Variants in PRMT9 observed in about 807,000 individuals in gnomAD.
PRMT9 encodes protein arginine N-methyltransferase 9.
PRMT9 carries 59 observed loss-of-function variants against 83.2 expected under a neutral mutation model. The observed-to-expected ratio is 0.71, with a 90% confidence interval of 0.57 to 0.88. The LOEUF is 0.88. Among genes scored for constraint, PRMT9 ranks in the 40% least tolerant of loss-of-function variants. The pLI is 0.00. For synonymous variants in PRMT9, 333 were observed against 353.2 expected, an observed-to-expected ratio of 0.94 and a Z score of 0.64; for missense variants, 947 against 1,021.9, an observed-to-expected ratio of 0.93 and a Z score of 1.00.
In PRMT9 at chr4:147,657,877, C is replaced by G. The variant is rs1432866948; in HGVS notation, c.1245G>C (p.Gln415His). The change falls in exon 8 of 12, where the codon CAG becomes CAC. Residue 415 changes from glutamine to histidine, a missense_variant. Physicochemically the swap from Gln to His is conservative, Grantham distance 24 (BLOSUM62 0). Coordinates refer to ENST00000322396, the MANE Select transcript of PRMT9 (RefSeq NM_138364.4). Reference sequence around the variant, plus strand: ...TGGATAAACTATGTTCATCATCAAGCTGGAGCACAAACCAAACCATAATAG... The same window carrying G: ...TGGATAAACTATGTTCATCATCAAGGTGGAGCACAAACCAAACCATAATAG... Reference protein sequence around the residue: ...LDAIMVWFVLQLDDEHSLSTS... With the variant: ...LDAIMVWFVLHLDDEHSLSTS... The G allele has an allele frequency of 6.2e-7, 1 of 1,610,204 alleles. No individual in the cohort carries two copies. Among genetic ancestry groups the G allele is most frequent in the Admixed American group, 1.7e-5 (1 of 59,372 alleles).
chr4:147,638,778 A>G, intron 11 of PRMT9, 31 bp from the exon 12 acceptor site: 3 of 1,498,360 alleles, frequency 2.0e-6, no homozygotes, highest in Non-Finnish European at 2.8e-6. Flanking sequence ...GGAAAATATC[A>G]GAGTGCATAG....
intron 9 of PRMT9, among the ~76,000 whole-genome samples, chr4:147,646,854 A>G (rs1309531494): frequency 6.6e-6 from 1 of 152,162 alleles, no homozygotes; most frequent in African/African-American, 2.4e-5. Context: ...GGCCATCTAT[A>G]AATCTGAAAC....
chr4:147,645,222 C>T (rs1241193278), intron 9 of PRMT9, among the ~76,000 whole-genome samples: 3 of 152,202 alleles, frequency 2.0e-5, no homozygotes, highest in Non-Finnish European at 4.4e-5. Flanking sequence ...CTCAAAACTA[C>T]TTTGGCACTA....
chr4:147,681,783 T>TA (rs11291426), intron 1 of PRMT9, among the ~76,000 whole-genome samples: 52 of 143,128 alleles, frequency 3.6e-4, no homozygotes, highest in African/African-American at 5.4e-4. Context: ...TGAGACTCTA[T>TA]AAAAAAAAAA....
At position 147,682,913 on chromosome 4, in the gene PRMT9, C is replaced by G. The variant is rs549430641; in HGVS notation, c.189+886G>C. Reference sequence around the variant, plus strand: ...CTGCAATGCACAGGACACCTCCCCTCCCCCATAACAAAGAATTATCCCATT... The same window carrying G: ...CTGCAATGCACAGGACACCTCCCCTGCCCCATAACAAAGAATTATCCCATT... On this transcript the variant is annotated intron_variant, in intron 1 of 11. Transcript: ENST00000322396. Among the ~76,000 whole-genome samples, 4 of 152,280 alleles carry G rather than the reference C, an allele frequency of 2.6e-5. No homozygotes were observed. The South Asian group carries it at 8.3e-4, about 32-fold the overall frequency.
At position 147,683,735 on chromosome 4, in the gene PRMT9, G is replaced by GTT. The variant is rs1168015624; in HGVS notation, c.189+62_189+63dup. On this transcript the variant is annotated intron_variant, in intron 1 of 11. Transcript: ENST00000322396. ...AGCCCCTCCGCTTTTTTTTTTTTCT[G>GTT]TTTTTTTTTTTTTTTTTACGAGGAC... The GTT allele has an allele frequency of 8.3e-6, 7 of 839,214 alleles. No individual in the cohort carries two copies. In the African/African-American group the frequency reaches 1.0e-4, roughly 12 times the overall value. 52.0% of individuals were successfully genotyped at this position (839,214 alleles called of 1,614,324 possible).
At chr4:147,643,727 G>A (rs1003663985) in intron 9 of PRMT9, among the ~76,000 whole-genome samples, 1 of 152,240 alleles carries the variant, frequency 6.6e-6, no homozygotes, top group African/African-American at 2.4e-5. Context: ...GGGCATGGTG[G>A]CTGATGCCTA....
intron 9 of PRMT9, among the ~76,000 whole-genome samples, chr4:147,650,898 C>T (rs1047949029): frequency 3.3e-5 from 5 of 152,102 alleles, no homozygotes; most frequent in Non-Finnish European, 5.9e-5. Flanking sequence ...GTCAGGAGAT[C>T]GAGACCATCC....
chr4:147,661,638 A>T (rs1182552686), intron 6 of PRMT9, among the ~76,000 whole-genome samples: 3 of 151,944 alleles, frequency 2.0e-5, no homozygotes, highest in Non-Finnish European at 4.4e-5. Flanking sequence ...AAAATACAAA[A>T]GATTAGCCGG....
Position 147,665,918 on chromosome 4 carries a change from A to G in PRMT9, c.953+2621T>C, listed in dbSNP as rs1735300057. 2.0e-5 allele frequency among the ~76,000 whole-genome samples: 3 copies of G among 152,350 alleles called. No homozygotes were observed. The South Asian group carries it at 6.2e-4, about 32-fold the overall frequency. On this transcript the variant is annotated intron_variant, in intron 6 of 11. Coordinates refer to ENST00000322396, the MANE Select transcript of PRMT9 (RefSeq NM_138364.4). Reference sequence around the variant, plus strand: ...ACAGTATTATAGTGAACATCCTTGTACACACATCACTGCACACATGTATGA... The same window carrying G: ...ACAGTATTATAGTGAACATCCTTGTGCACACATCACTGCACACATGTATGA...
At chr4:147,660,180 G>T (rs1734860364) in intron 7 of PRMT9, among the ~76,000 whole-genome samples, 1 of 152,158 alleles carries the variant, frequency 6.6e-6, no homozygotes, top group South Asian at 2.1e-4. Flanking sequence ...AACTTGGGGG[G>T]AAATTATTTA....
intron 1 of PRMT9, 68 bp downstream of exon 1, chr4:147,683,731 T>TG: frequency 3.5e-5 from 45 of 1,280,102 alleles, no homozygotes; most frequent in East Asian, 1.8e-4. Context: ...TTTTTTTTTT[T>TG]TCTGTTTTTT....
chr4:147,661,261 TAAAAA>T (rs35220006), intron 6 of PRMT9: 9 of 289,700 alleles, frequency 3.1e-5, no homozygotes, highest in South Asian at 2.4e-4. Flanking sequence ...GTCTGCTCAC[TAAAAA>T]AAAAAAAAAA....
intron 9 of PRMT9, among the ~76,000 whole-genome samples, chr4:147,646,669 G>T (rs1733748312): frequency 6.6e-6 from 1 of 151,072 alleles, no homozygotes; most frequent in Admixed American, 6.6e-5. Context: ...GGGAGGGGGG[G>T]GAGGGGGGTG....
At chr4:147,664,837 G>A (rs927133040) in intron 6 of PRMT9, among the ~76,000 whole-genome samples, 7 of 151,796 alleles carry the variant, frequency 4.6e-5, no homozygotes, top group Admixed American at 2.0e-4. Flanking sequence ...AAAACAGGCC[G>A]GGCACAGTGG....
At chr4:147,661,262 A>G in intron 6 of PRMT9, 1 of 23,950 alleles carries the variant, frequency 4.2e-5, no homozygotes. Context: ...TCTGCTCACT[A>G]AAAAAAAAAA....
chr4:147,668,383 A>G (rs1198179795), intron 6 of PRMT9, among the ~76,000 whole-genome samples, 156 bp downstream of exon 6: 1 of 152,146 alleles, frequency 6.6e-6, no homozygotes, highest in African/African-American at 2.4e-5. Context: ...CTGCTGCCAT[A>G]TAAGACGTGC....
In PRMT9 at chr4:147,661,022, T is replaced by C. The variant is rs763160812; in HGVS notation, c.970A>G (p.Ile324Val). The change falls in exon 7 of 12, where the codon ATT (isoleucine) becomes GTT (valine). Residue 324 changes from isoleucine (I) to valine (V), a missense_variant. By Grantham distance (29) the Ile-to-Val change is conservative. Transcript: ENST00000322396. ...TTTGTTGGCAAATGGATACCAGCAA[T>C]GTCCTTAATACCCACTCTGGAGAGA... ...RRHHRVGIKD[I>V]AGIHLPTNVK... 1.2e-5 allele frequency: 19 copies of C among 1,610,972 alleles called. No individual in the cohort carries two copies. The highest frequency in any genetic ancestry group is 1.1e-5 in the Non-Finnish European group (13 of 1,177,410).
intron 2 of PRMT9, among the ~76,000 whole-genome samples, chr4:147,677,572 G>C (rs758052832): frequency 6.8e-5 from 10 of 147,914 alleles, no homozygotes; most frequent in Non-Finnish European, 1.2e-4. Flanking sequence ...TCCTACCTCA[G>C]CCTCCCGAGT....
Sources: allele counts gnomAD v4.1 joint callset (sites outside exome capture counted in the v4.1 genomes callset), GRCh38; gene constraint gnomAD v4.1.1; transcripts MANE v1.5; gene names NCBI Gene and HGNC (gene_info 2026-07-23, HGNC 2026-07-21).